DPP6: variants seen among roughly 807,000 people sequenced by gnomAD.
DPP6 encodes the protein A-type potassium channel modulatory protein DPP6.
In DPP6, 69 loss-of-function variants were observed where a neutral mutation model predicts 122.6. The ratio of observed to expected loss-of-function variants is 0.56; its 90% CI spans 0.46 to 0.69. DPP6 has a LOEUF of 0.69. Among genes scored for constraint, DPP6 ranks in the 30% least tolerant of loss-of-function variants. The pLI is 0.00. For missense variants in DPP6, 928 were observed against 1,116.9 expected, an observed-to-expected ratio of 0.83 and a Z score of 2.41; for synonymous variants, 418 against 433.1, an observed-to-expected ratio of 0.97 and a Z score of 0.43.
chr7:154,306,423 A>G (rs1259928183), intron 1 of DPP6, among the ~76,000 whole-genome samples: 1 of 152,240 alleles, frequency 6.6e-6, no homozygotes, highest in Non-Finnish European at 1.5e-5. Flanking sequence ...ACACCAATAG[A>G]TTCACAAAGC....
intron 1 of DPP6, among the ~76,000 whole-genome samples, chr7:154,255,787 A>G (rs959127107): frequency 1.3e-5 from 2 of 152,254 alleles, no homozygotes; most frequent in Non-Finnish European, 2.9e-5. Flanking sequence ...TTAGAAGACA[A>G]TACTACATAG....
At chr7:154,575,729 T>C (rs1831622773) in intron 5 of DPP6, among the ~76,000 whole-genome samples, 1 of 144,166 alleles carries the variant, frequency 6.9e-6, no homozygotes. Context: ...TGTGTGTATG[T>C]GGTATGTGTA....
At chr7:154,333,253 C>CTT (rs34165810) in intron 1 of DPP6, among the ~76,000 whole-genome samples, 7 of 148,990 alleles carry the variant, frequency 4.7e-5, no homozygotes, top group African/African-American at 1.5e-4. Context: ...TTTCTCAGGG[C>CTT]TTTTTTTTTT....
intron 5 of DPP6, among the ~76,000 whole-genome samples, chr7:154,627,296 C>T (rs1018274465): frequency 9.0e-5 from 13 of 145,168 alleles, no homozygotes; most frequent in Admixed American, 4.4e-4. Context: ...CCCGGGTTTT[C>T]GCCATTATCC....
At chr7:154,050,680 C>G (rs2129061291), upstream of DPP6, among the ~76,000 whole-genome samples, 1 of 151,422 alleles carries the variant, frequency 6.6e-6, no homozygotes, top group Non-Finnish European at 1.5e-5. Context: ...TCTTCAAAGT[C>G]AAATGGAGCA....
At chr7:154,428,351 T>C (rs2151246793) in intron 1 of DPP6, among the ~76,000 whole-genome samples, 1 of 152,324 alleles carries the variant, frequency 6.6e-6, no homozygotes, top group East Asian at 1.9e-4. Flanking sequence ...GATATTCCAC[T>C]AATATAGAGT....
At position 154,023,318 on chromosome 7, in the gene DPP6, G is replaced by GCACGCACACACACACACACACACACACA. The variant is rs373378162; in HGVS notation, c.51+135587_51+135588insGCACACACACACACACACACACACACAC. Reference sequence around the variant, plus strand: ...CAGGCTCTGGAAATGTTTCTTGTCTGCACACACACACACACACACACACAC... The same window carrying GCACGCACACACACACACACACACACACA: ...CAGGCTCTGGAAATGTTTCTTGTCTGCACGCACACACACACACACACACACACACACACACACACACACACACACACAC... On this transcript the variant is annotated intron_variant, in intron 1 of 25. Transcript: ENST00000404039. Among the ~76,000 whole-genome samples, 102 of 129,614 alleles carry GCACGCACACACACACACACACACACACA rather than the reference G, an allele frequency of 7.9e-4. 5 individuals are homozygous for GCACGCACACACACACACACACACACACA. Among genetic ancestry groups the GCACGCACACACACACACACACACACACA allele is most frequent in the African/African-American group, 2.8e-3 (87 of 31,176 alleles). The allele number at this position is 129,614 out of a possible 152,430, so 85.0% of individuals were successfully genotyped here. A position where few individuals can be genotyped will look rare whatever the true frequency, so the allele number is the denominator to read the frequency against.
intron 1 of DPP6, among the ~76,000 whole-genome samples, chr7:153,896,204 C>A (rs902476846): frequency 6.6e-5 from 10 of 152,118 alleles, no homozygotes; most frequent in Non-Finnish European, 1.2e-4. Flanking sequence ...TGGTATTGGT[C>A]CTATATAAAC....
chr7:154,026,216 A>G (rs1798949706), intron 1 of DPP6: 1 of 152,180 alleles, frequency 6.6e-6, no homozygotes, highest in East Asian at 1.9e-4. Flanking sequence ...CGTGGTTGGT[A>G]ACATGGTTTC....
intron 12 of DPP6, among the ~76,000 whole-genome samples, chr7:154,796,853 G>A (rs1429294096): frequency 1.3e-5 from 2 of 152,120 alleles, no homozygotes; most frequent in African/African-American, 4.8e-5. Context: ...ATCAACAGAC[G>A]GGCTGCTCCG....
intron 2 of DPP6, among the ~76,000 whole-genome samples, chr7:154,459,305 A>G (rs908894693): frequency 9.2e-5 from 14 of 152,146 alleles, no homozygotes; most frequent in African/African-American, 3.4e-4. Context: ...TCGGGTGAAG[A>G]ATTGTTCCAC....
intron 1 of DPP6, among the ~76,000 whole-genome samples, chr7:154,123,158 G>A (rs576659710): frequency 3.9e-5 from 6 of 152,302 alleles, no homozygotes; most frequent in Non-Finnish European, 8.8e-5. Flanking sequence ...CCCGCAGACC[G>A]AATTGCCTTC....
At position 154,421,111 on chromosome 7, in the gene DPP6, G is replaced by A. The variant is rs539480803; in HGVS notation, c.244-25103G>A. On this transcript the variant is annotated intron_variant, in intron 1 of 25. Transcript: ENST00000377770. ...TAAGTGTGTGACTTTGGGCACCCAC[G>A]TCACGTCTGACACTCAGTTCTACAT... Among the ~76,000 whole-genome samples, 19 of 152,210 alleles carry A rather than the reference G, an allele frequency of 1.2e-4. No individual in the cohort carries two copies. In the South Asian group the frequency reaches 3.3e-3, roughly 27 times the overall value.
At chr7:154,783,389 G>A (rs1328273381) in intron 10 of DPP6, among the ~76,000 whole-genome samples, 1 of 152,182 alleles carries the variant, frequency 6.6e-6, no homozygotes, top group African/African-American at 2.4e-5. Flanking sequence ...AGTCATGGTG[G>A]TGCCAATGAT....
intron 1 of DPP6, among the ~76,000 whole-genome samples, chr7:154,027,918 C>T (rs2129053746): frequency 6.6e-6 from 1 of 151,514 alleles, no homozygotes; most frequent in East Asian, 2.0e-4. Flanking sequence ...GTAGTTCATC[C>T]TGGATCCCGG....
chr7:154,022,930 T>G (rs1372212497), intron 1 of DPP6, among the ~76,000 whole-genome samples: 2 of 152,184 alleles, frequency 1.3e-5, no homozygotes, highest in African/African-American at 2.4e-5. Context: ...GCTTGTGGTT[T>G]GACAGCTGAC....
At chr7:154,518,234 G>T (rs1475899616) in intron 3 of DPP6, among the ~76,000 whole-genome samples, 2 of 152,202 alleles carry the variant, frequency 1.3e-5, no homozygotes, top group African/African-American at 4.8e-5. Flanking sequence ...TTTTGAGAGA[G>T]TTGATTTTTT....
At chr7:153,894,595 A>G (rs895488542) in intron 1 of DPP6, among the ~76,000 whole-genome samples, 2 of 152,154 alleles carry the variant, frequency 1.3e-5, no homozygotes, top group South Asian at 2.1e-4. Context: ...CCAGTCATCT[A>G]TGGGTGTTGT....
At chr7:154,620,321 T>C (rs1008780352) in intron 5 of DPP6, among the ~76,000 whole-genome samples, 2 of 152,248 alleles carry the variant, frequency 1.3e-5, no homozygotes, top group African/African-American at 2.4e-5. Context: ...CACTTTTTAA[T>C]GTCAGTTTCA....
Sources: gnomAD v4.1 joint callset for allele counts (sites outside exome capture counted in the v4.1 genomes callset) on GRCh38, gnomAD v4.1.1 for gene constraint, MANE v1.5 for transcripts, NCBI Gene and HGNC (gene_info 2026-07-23, HGNC 2026-07-21) for gene names.